SLCO4C1: variants seen among roughly 807,000 people sequenced by gnomAD.
SLCO4C1 encodes organic anion transporter M1.
SLCO4C1 carries 58 observed loss-of-function variants against 72.1 expected under a neutral mutation model. The ratio of observed to expected loss-of-function variants is 0.80; its 90% confidence interval spans 0.65 to 1.00. The LOEUF (loss-of-function observed/expected upper bound fraction) is 1.00, where lower values mean the gene tolerates loss of function less well. Among genes scored for constraint, SLCO4C1 ranks in the 50% least tolerant of loss-of-function variants. The probability of loss-of-function intolerance (pLI) is 0.00; values close to 1 mark genes in which losing one functional copy is unlikely to be tolerated. For missense variants in SLCO4C1, 898 were observed against 857.9 expected (o/e 1.05, Z -0.58); for synonymous variants, 297 against 312.5 (o/e 0.95, Z 0.52).
intron 8 of SLCO4C1, among the ~76,000 whole-genome samples, chr5:102,253,777 C>G (rs929634425): frequency 2.7e-5 from 4 of 150,242 alleles, no homozygotes; most frequent in African/African-American, 9.8e-5. Flanking sequence ...TACACTCCAG[C>G]CTGGGCGACC....
In SLCO4C1 at chr5:102,267,066, G is replaced by C. The variant is rs754009927; in HGVS notation, c.803-3286C>G. 4.6e-5 allele frequency among the ~76,000 whole-genome samples: 7 copies of C among 152,208 alleles called. No individual in the cohort carries two copies. The East Asian group carries it at 7.7e-4, about 17-fold the overall frequency. The stretch of plus-strand genomic sequence containing the variant: ...GAGGAATTTGTATCTATGTTCATTA[G>C]GGATATTGGCTTGTAGCTCCTCTTT... On this transcript the variant is annotated intron_variant, in intron 3 of 12. Coordinates refer to ENST00000310954, the MANE Select transcript of SLCO4C1 (RefSeq NM_180991.5).
intron 2 of SLCO4C1, among the ~76,000 whole-genome samples, chr5:102,282,510 AT>A (rs1296293479): frequency 2.0e-5 from 3 of 152,030 alleles, no homozygotes; most frequent in African/African-American, 7.2e-5. Context: ...TTAATAAAAA[AT>A]ATAACAAAGG....
At chr5:102,267,210 T>C (rs1413031549) in intron 3 of SLCO4C1, among the ~76,000 whole-genome samples, 1 of 152,224 alleles carries the variant, frequency 6.6e-6, no homozygotes, top group Non-Finnish European at 1.5e-5. Context: ...GCTAAGTTCT[T>C]CTTTACAAGT....
chr5:102,282,722 T>A lies in SLCO4C1; in HGVS notation c.619+8621A>T, dbSNP rs78746514. Among the ~76,000 whole-genome samples, 1,042 of 152,148 alleles carry A rather than the reference T, an allele frequency of 6.8e-3. 13 individuals carry two copies. Among genetic ancestry groups the A allele is most frequent in the African/African-American group, 0.024 (987 of 41,564 alleles). On this transcript the variant is annotated intron_variant, in intron 2 of 12. Transcript: ENST00000310954. ...AGAATGTGATGTAAAGATGTGTGAATGTTAATAAAATTATGTGAGTGTGAA... is the reference window on the plus strand; with the variant it reads ...AGAATGTGATGTAAAGATGTGTGAAAGTTAATAAAATTATGTGAGTGTGAA...
intron 11 of SLCO4C1, 91 bp downstream of exon 11, chr5:102,240,627 T>G (rs1748521832): frequency 2.1e-6 from 2 of 971,902 alleles, no homozygotes; most frequent in Admixed American, 4.4e-5. Context: ...CACTATAATT[T>G]TTTTTGCCAC....
rs780596805 is a variant in SLCO4C1, at chr5:102,257,968, T to A, written c.1248A>T (p.Thr416=). 2 of 1,606,366 alleles carry A rather than the reference T, an allele frequency of 1.2e-6. No homozygotes were observed. Among genetic ancestry groups the A allele is most frequent in the East Asian group, 2.3e-5 (1 of 44,422 alleles). Reference sequence around the variant, plus strand: ...CTCCAAGAGTAGCTGCGAAGCTGGATGTCAATCCGAATTGATTTTCTATAA... The same window carrying A: ...CTCCAAGAGTAGCTGCGAAGCTGGAAGTCAATCCGAATTGATTTTCTATAA... ...PKFIENQFGL[T]SSFAATLGGA... The change falls in exon 7 of 13, where the codon ACA becomes ACT. Residue 416 remains threonine, a synonymous_variant. Coordinates refer to ENST00000310954, the MANE Select transcript of SLCO4C1 (RefSeq NM_180991.5).
chr5:102,266,022 C>T (rs1446802063), intron 3 of SLCO4C1, among the ~76,000 whole-genome samples: 4 of 152,078 alleles, frequency 2.6e-5, no homozygotes, highest in African/African-American at 9.6e-5. Context: ...TAAAGATTCT[C>T]GCCTCCTGGG....
chr5:102,274,336 G>A (rs556245928), intron 2 of SLCO4C1, among the ~76,000 whole-genome samples: 18 of 152,262 alleles, frequency 1.2e-4, no homozygotes, highest in African/African-American at 4.1e-4. Context: ...TGTACCTAAT[G>A]AACAAAGAAG....
chr5:102,276,371 G>A (rs1277978760), intron 2 of SLCO4C1, among the ~76,000 whole-genome samples: 1 of 152,210 alleles, frequency 6.6e-6, no homozygotes, highest in African/African-American at 2.4e-5. Context: ...AAGCAACACT[G>A]AAGTGTTAGC....
At chr5:102,259,814 G>A (rs950962041) in intron 6 of SLCO4C1, among the ~76,000 whole-genome samples, 2 of 152,054 alleles carry the variant, frequency 1.3e-5, no homozygotes, top group Admixed American at 6.6e-5. Context: ...GGAATAATGG[G>A]CTATTAGTGT....
chr5:102,279,975 A>ACT (rs1749321955), intron 2 of SLCO4C1, among the ~76,000 whole-genome samples: 1 of 151,834 alleles, frequency 6.6e-6, no homozygotes, highest in Non-Finnish European at 1.5e-5. Context: ...AAAAACATGC[A>ACT]GCAGTAGTGA....
chr5:102,273,998 T>C (rs1429142395), intron 2 of SLCO4C1, among the ~76,000 whole-genome samples: 2 of 151,950 alleles, frequency 1.3e-5, no homozygotes, highest in Non-Finnish European at 2.9e-5. Context: ...AAAATAACAA[T>C]ACACCAATAA....
chr5:102,268,168 C>T (rs963717368), intron 3 of SLCO4C1, among the ~76,000 whole-genome samples: 10 of 152,038 alleles, frequency 6.6e-5, no homozygotes, highest in African/African-American at 2.4e-4. Flanking sequence ...ATGATCTTCC[C>T]AGTGCTGGAA....
chr5:102,242,244 G>C (rs1308653871), intron 10 of SLCO4C1, among the ~76,000 whole-genome samples: 5 of 152,216 alleles, frequency 3.3e-5, no homozygotes, highest in Non-Finnish European at 5.9e-5. Flanking sequence ...GTGTCTCCAA[G>C]TTAACTTGAA....
chr5:102,260,336 T>G lies in SLCO4C1; in HGVS notation c.1022-17A>C, dbSNP rs948663129. The G allele has an allele frequency of 7.8e-6, 3 of 386,210 alleles. No homozygotes were observed. The highest frequency in any genetic ancestry group is 1.2e-5 in the Non-Finnish European group (3 of 246,616). 23.9% of individuals were successfully genotyped at this position (386,210 alleles called of 1,614,324 possible). ...CTGCTGTACCTAAAAAAAAAATATA[T>G]ATATATATATAATATATATATTATA... On this transcript the variant is annotated splice_polypyrimidine_tract_variant and intron_variant, in intron 5 of 12. Transcript: ENST00000310954.
rs750343019 is a variant in SLCO4C1, at chr5:102,237,032, A to C, written c.2015-14T>G. On this transcript the variant is annotated splice_polypyrimidine_tract_variant and intron_variant, in intron 12 of 12. Coordinates refer to ENST00000310954, the MANE Select transcript of SLCO4C1 (RefSeq NM_180991.5). ...TACAAGTAACACCTAAGTGAAAAAA[A>C]AAATTAATCATGTGCTTTTGTTTTT... The C allele has an allele frequency of 3.9e-6, 6 of 1,558,354 alleles. No individual in the cohort carries two copies. The East Asian group carries it at 1.1e-4, about 30-fold the overall frequency.
intron 3 of SLCO4C1, among the ~76,000 whole-genome samples, chr5:102,267,173 A>G (rs1749057245): frequency 6.6e-6 from 1 of 152,154 alleles, no homozygotes; most frequent in Non-Finnish European, 1.5e-5. Context: ...CTCTTCAACT[A>G]TCTGGAATAG....
At chr5:102,246,603 CCT>C (rs1178118781) in intron 10 of SLCO4C1, among the ~76,000 whole-genome samples, 1 of 151,840 alleles carries the variant, frequency 6.6e-6, no homozygotes, top group Non-Finnish European at 1.5e-5. Flanking sequence ...CACATGTACC[CCT>C]GAGCTTAAAA....
intron 2 of SLCO4C1, among the ~76,000 whole-genome samples, chr5:102,288,713 C>A (rs944952675): frequency 6.6e-6 from 1 of 152,216 alleles, no homozygotes; most frequent in Non-Finnish European, 1.5e-5. Flanking sequence ...ACCAAGCCCT[C>A]CTCTGCTCCA....
Sources: gnomAD v4.1 joint callset for allele counts (sites outside exome capture counted in the v4.1 genomes callset) on GRCh38, gnomAD v4.1.1 for gene constraint, MANE v1.5 for transcripts, NCBI Gene and HGNC (gene_info 2026-07-23, HGNC 2026-07-21) for gene names.